NCF4: variants seen among roughly 807,000 people sequenced by gnomAD.
The protein encoded by NCF4 is neutrophil cytosolic factor 4, also known as neutrophil cytosol factor 4.
NCF4 carries 30 observed loss-of-function variants against 41.7 expected under a neutral mutation model. That is an observed-to-expected ratio of 0.72 (90% CI 0.54 to 0.97). The LOEUF (loss-of-function observed/expected upper bound fraction) is 0.97, where lower values mean the gene tolerates loss of function less well. Ranked by LOEUF, NCF4 falls within the 50% of genes least tolerant of loss-of-function variation. The probability of loss-of-function intolerance (pLI) is 0.00; values close to 1 mark genes in which losing one functional copy is unlikely to be tolerated. For synonymous variants in NCF4, 195 were observed against 175.8 expected (o/e 1.11, Z -0.87); for missense variants, 432 against 460.9 (o/e 0.94, Z 0.57).
In NCF4 at chr22:36,870,172, T is replaced by C. The variant is rs1940018724; in HGVS notation, c.343-243T>C. The stretch of plus-strand genomic sequence containing the variant: ...TGGAGAACTTTAAGTCTTTTCCAAA[T>C]GGACTCTTCTCAAGCCCCTGGTCCC... On this transcript the variant is annotated intron_variant, in intron 4 of 9. Transcript: ENST00000248899. 8.7e-6 allele frequency: 5 copies of C among 573,896 alleles called. No individual in the cohort carries two copies. In the South Asian group the frequency reaches 9.9e-5, roughly 11 times the overall value. The allele number at this position is 573,896 out of a possible 1,614,324, so 35.6% of individuals were successfully genotyped here.
rs370200398 is a variant in NCF4 at position 36,870,402 on chromosome 22, C to G, written c.343-13C>G. ...CTGACTACCCCACCGGTTCTGCTGT[C>G]TCACCCACACAGAGCCTGCTCAGCC... On this transcript the variant is annotated splice_polypyrimidine_tract_variant and intron_variant, in intron 4 of 9. Transcript: ENST00000248899. 91 of 1,613,636 alleles carry G rather than the reference C, an allele frequency of 5.6e-5. No homozygotes were observed. The highest frequency in any genetic ancestry group is 1.6e-4 in the Middle Eastern group (1 of 6,084).
At chr22:36,867,351 G>A in intron 3 of NCF4, 41 bp from the exon 4 acceptor site, 2 of 1,612,252 alleles carry the variant, frequency 1.2e-6, no homozygotes, top group Non-Finnish European at 1.7e-6. Flanking sequence ...CCGGGGCCAT[G>A]TTGGGCCAGG....
rs1292900352 is a variant in NCF4, at chr22:36,865,018, T to C, written c.217T>C (p.Phe73Leu). The change falls in exon 3 of 10, where the codon TTC (phenylalanine) becomes CTC (leucine). Residue 73 changes from phenylalanine (F) to leucine (L), a missense_variant. Transcript: ENST00000248899. This position sits in a 1 kb window ranked among gnomAD's most constrained non-coding sequence, Gnocchi z 4.3. Reference sequence around the variant, plus strand: ...TTTGCAGAGCAAGCTGGAGGAGCGCTTCGGGCCAGACAGCAAGAGCAGTGC... The same window carrying C: ...TTTGCAGAGCAAGCTGGAGGAGCGCCTCGGGCCAGACAGCAAGAGCAGTGC... The part of the protein sequence containing the change: ...HALQSKLEER[F>L]GPDSKSSALA... 3 of 1,613,846 alleles carry C rather than the reference T, an allele frequency of 1.9e-6. No individual in the cohort carries two copies. The highest frequency in any genetic ancestry group is 2.5e-6 in the Non-Finnish European group (3 of 1,180,030).
rs1340870569 is a variant in NCF4, at chr22:36,871,819, G to A, written c.528+110G>A. 3.9e-6 allele frequency: 5 copies of A among 1,280,140 alleles called. No individual in the cohort carries two copies. In the Admixed American group the frequency reaches 5.9e-5, roughly 15 times the overall value. The allele number at this position is 1,280,140 out of a possible 1,614,324, so 79.3% of individuals were successfully genotyped here. On this transcript the variant is annotated intron_variant, in intron 6 of 9. Coordinates refer to ENST00000248899, the MANE Select transcript of NCF4 (RefSeq NM_000631.5). ...TGGGTGCTGCTGTGTGCCTGGGACA[G>A]TGCTGGGCACCAGGAGGAAGGAAGG...
intron 4 of NCF4, among the ~76,000 whole-genome samples, chr22:36,868,810 A>T (rs149464517): frequency 7.2e-5 from 11 of 152,240 alleles, no homozygotes; most frequent in Admixed American, 6.5e-5. Context: ...GAAGCCAGAG[A>T]TCATTCAGGG....
chr22:36,870,549 G>C lies in NCF4; in HGVS notation c.470+7G>C. The C allele has an allele frequency of 6.2e-7, 1 of 1,610,612 alleles. No individual in the cohort carries two copies. Among genetic ancestry groups the C allele is most frequent in the South Asian group, 1.1e-5 (1 of 91,048 alleles). On this transcript the variant is annotated splice_region_variant and intron_variant, in intron 5 of 9. Coordinates refer to ENST00000248899, the MANE Select transcript of NCF4 (RefSeq NM_000631.5). ...GCCCGCGCACCCGGAAAGTGTAAGT[G>C]ACCAGCCCCTGGGCTTCCACATGGC...
rs1940181878 is a variant in NCF4 at position 36,875,904 on chromosome 22, G to C, written c.758+121G>C. The C allele has an allele frequency of 6.2e-7, 1 of 1,614,162 alleles. No individual in the cohort carries two copies. The highest frequency in any genetic ancestry group is 1.3e-5 in the African/African-American group (1 of 75,028). ...CCAAAGCCCCCAGTGGCTCCCAGAT[G>C]AGCCACAATGCTGTAACAAGCCATC... On this transcript the variant is annotated intron_variant, in intron 8 of 9. Coordinates refer to ENST00000248899, the MANE Select transcript of NCF4 (RefSeq NM_000631.5).
intron 1 of NCF4, among the ~76,000 whole-genome samples, chr22:36,863,379 T>C (rs1350474650): frequency 6.6e-6 from 1 of 151,706 alleles, no homozygotes; most frequent in Non-Finnish European, 1.5e-5. Context: ...CAAGGGAGCT[T>C]GATCTTCTTG....
At chr22:36,862,211 G>T (rs1242773449) in intron 1 of NCF4, among the ~76,000 whole-genome samples, 1 of 152,374 alleles carries the variant, frequency 6.6e-6, no homozygotes, top group Admixed American at 6.5e-5. Flanking sequence ...CACTCAGGGG[G>T]TCACCAGAGA....
intron 5 of NCF4, 28 bp from the exon 6 acceptor site, chr22:36,871,624 C>A: frequency 1.3e-6 from 2 of 1,555,150 alleles, no homozygotes; most frequent in Non-Finnish European, 1.7e-6. Flanking sequence ...AATCACAGGG[C>A]TAACAAGCCC....
At chr22:36,874,504 C>T (rs1235942485) in intron 7 of NCF4, among the ~76,000 whole-genome samples, 1 of 152,188 alleles carries the variant, frequency 6.6e-6, no homozygotes, top group Non-Finnish European at 1.5e-5. Flanking sequence ...ATCTCAGGAA[C>T]TCAGGGCTCT....
chr22:36,872,246 G>T (rs1165585405), intron 6 of NCF4, 81 bp from the exon 7 acceptor site: 1 of 1,106,762 alleles, frequency 9.0e-7, no homozygotes, highest in Non-Finnish European at 1.4e-6. Flanking sequence ...TGTAAAATGG[G>T]AGACTAAAGT....
At position 36,861,170 on chromosome 22, in the gene NCF4, C is replaced by T. The variant is rs764810264; in HGVS notation, c.-2C>T. 2.6e-6 allele frequency: 4 copies of T among 1,551,466 alleles called. No individual in the cohort carries two copies. The South Asian group carries it at 4.8e-5, about 18-fold the overall frequency. On this transcript the variant is annotated 5_prime_UTR_variant, in exon 1 of 10. Transcript: ENST00000248899. Reference sequence around the variant, plus strand: ...ACCTGCTCCCTGGGACCATCGCCCACCATGGCTGTGGCCCAGCAGCTGCGG... The same window carrying T: ...ACCTGCTCCCTGGGACCATCGCCCATCATGGCTGTGGCCCAGCAGCTGCGG...
chr22:36,861,452 C>T (rs982400185), intron 1 of NCF4, among the ~76,000 whole-genome samples: 2 of 152,240 alleles, frequency 1.3e-5, no homozygotes, highest in Admixed American at 6.5e-5. Context: ...GGTCACACAA[C>T]GAGTGACCGG....
rs779218017 is a variant in NCF4, at chr22:36,867,435, G to C, written c.315G>C (p.Arg105=). The change falls in exon 4 of 10, where the codon CGG becomes CGC. Residue 105 remains arginine (R), a synonymous_variant. Transcript: ENST00000248899. ...VGVKQEIAEM[R]IPALNAYMKS... ...TGAAACAGGAGATCGCCGAGATGCGGATACCTGCCCTCAACGCCTACATGA... is the reference window on the plus strand; with the variant it reads ...TGAAACAGGAGATCGCCGAGATGCGCATACCTGCCCTCAACGCCTACATGA... 2 of 1,614,204 alleles carry C rather than the reference G, an allele frequency of 1.2e-6. No individual in the cohort carries two copies. The highest frequency in any genetic ancestry group is 1.7e-6 in the Non-Finnish European group (2 of 1,180,032).
rs34381040 is a variant in NCF4, at chr22:36,869,894, G to C, written c.343-521G>C. Among the ~76,000 whole-genome samples, 962 of 152,198 alleles carry C rather than the reference G, an allele frequency of 6.3e-3. 11 individuals carry two copies. Among genetic ancestry groups the C allele is most frequent in the African/African-American group, 0.022 (900 of 41,524 alleles). On this transcript the variant is annotated intron_variant, in intron 4 of 9. Transcript: ENST00000248899. The stretch of plus-strand genomic sequence containing the variant: ...TAATGCCACCAACTGTTGTTAATTT[G>C]GGTTATTTTGGGAGCCCCCCACCCC...
At chr22:36,874,340 G>T (rs1362995156) in intron 7 of NCF4, among the ~76,000 whole-genome samples, 18 of 152,222 alleles carry the variant, frequency 1.2e-4, no homozygotes. Context: ...AGGAGGTTCT[G>T]GGACAGGCCC....
intron 3 of NCF4, 27 bp from the exon 4 acceptor site, chr22:36,867,365 C>T (rs1939952341): frequency 1.2e-6 from 2 of 1,613,862 alleles, no homozygotes; most frequent in Admixed American, 3.3e-5. Context: ...GGCCAGGCTC[C>T]TAGGACAGCT....
At chr22:36,871,096 A>T (rs1160613465) in intron 5 of NCF4, among the ~76,000 whole-genome samples, 1 of 152,192 alleles carries the variant, frequency 6.6e-6, no homozygotes, top group Non-Finnish European at 1.5e-5. Flanking sequence ...TTCTGGGAAA[A>T]GCAGGACGGA....
Sources: allele counts gnomAD v4.1 joint callset (sites outside exome capture counted in the v4.1 genomes callset), GRCh38; gene constraint gnomAD v4.1.1; non-coding constraint Gnocchi (gnomAD v3.1); transcripts MANE v1.5; gene names NCBI Gene and HGNC (gene_info 2026-07-23, HGNC 2026-07-21).